EXOC6: variants seen among roughly 807,000 people sequenced by gnomAD.
EXOC6 encodes the protein exocyst complex component 6, also known as SEC15-like 1.
EXOC6 carries 60 observed loss-of-function variants against 112.5 expected under a neutral mutation model. That is an observed-to-expected ratio of 0.53 (90% CI 0.43 to 0.66). The LOEUF is 0.66. Among genes scored for constraint, EXOC6 ranks in the 30% least tolerant of loss-of-function variants. The pLI is 0.00. For missense variants in EXOC6, 855 were observed against 957.1 expected, an observed-to-expected ratio of 0.89 and a Z score of 1.41; for synonymous variants, 295 against 308.0, an observed-to-expected ratio of 0.96 and a Z score of 0.44.
chr10:92,898,429 C>CGAA (rs1849952917), intron 4 of EXOC6, among the ~76,000 whole-genome samples: 1 of 137,304 alleles, frequency 7.3e-6, no homozygotes, highest in African/African-American at 2.7e-5. Flanking sequence ...GACCTTGTCT[C>CGAA]AAAAAAAAAA....
At chr10:92,837,188 A>C (rs1589669780) in intron 1 of EXOC6, among the ~76,000 whole-genome samples, 2 of 152,102 alleles carry the variant, frequency 1.3e-5, no homozygotes, top group African/African-American at 4.8e-5. Flanking sequence ...CTAGATGTGA[A>C]TATTCCATTG....
intron 19 of EXOC6, among the ~76,000 whole-genome samples, chr10:93,004,401 A>G (rs763611685): frequency 5.3e-5 from 8 of 152,284 alleles, no homozygotes; most frequent in Non-Finnish European, 1.2e-4. Context: ...CTAGAGTTCT[A>G]CCTTTGTTGT....
At chr10:92,952,567 G>C (rs537705924) in intron 15 of EXOC6, among the ~76,000 whole-genome samples, 185 bp downstream of exon 15, 3 of 152,102 alleles carry the variant, frequency 2.0e-5, no homozygotes, top group Non-Finnish European at 4.4e-5. Flanking sequence ...CCCAGGTAGC[G>C]AGCATAGTAC....
At chr10:92,876,985 T>C (rs1848710472) in intron 1 of EXOC6, among the ~76,000 whole-genome samples, 1 of 152,182 alleles carries the variant, frequency 6.6e-6, no homozygotes, top group Admixed American at 6.5e-5. Flanking sequence ...GAAGGGATGG[T>C]TCTTTTTAGT....
At position 92,913,271 on chromosome 10, in the gene EXOC6, T is replaced by C. The variant is rs944575883; in HGVS notation, c.664-2487T>C. On this transcript the variant is annotated intron_variant, in intron 6 of 21. Transcript: ENST00000260762. ...GTTACTAAGTCCTACTTAGTTACTATCAATTCTGCTTCTAAATACCTGTAG... is the reference window on the plus strand; with the variant it reads ...GTTACTAAGTCCTACTTAGTTACTACCAATTCTGCTTCTAAATACCTGTAG... Among the ~76,000 whole-genome samples the C allele has an allele frequency of 3.3e-5, 5 of 152,220 alleles. 1 individual carries two copies. The highest frequency in any genetic ancestry group is 3.3e-4 in the Admixed American group (5 of 15,292).
Position 92,864,481 on chromosome 10 carries a change from A to C in EXOC6, c.101+15847A>C, listed in dbSNP as rs1241309977. On this transcript the variant is annotated intron_variant, in intron 1 of 21. Transcript: ENST00000260762. Reference sequence around the variant, plus strand: ...ATAATCCTAAAAGGTTATGATGATGAAATTTTATGTGTCGACTTAACTAGG... The same window carrying C: ...ATAATCCTAAAAGGTTATGATGATGCAATTTTATGTGTCGACTTAACTAGG... 4.6e-5 allele frequency among the ~76,000 whole-genome samples: 7 copies of C among 152,198 alleles called. No homozygotes were observed. The East Asian group carries it at 1.3e-3, about 29-fold the overall frequency.
At chr10:92,966,458 C>A (rs1013163465) in intron 17 of EXOC6, among the ~76,000 whole-genome samples, 1 of 114,602 alleles carries the variant, frequency 8.7e-6, no homozygotes, top group Non-Finnish European at 1.7e-5. Flanking sequence ...CCACATCAGT[C>A]CCCAGAGTGT....
chr10:92,831,500 C>G (rs534811282), upstream of EXOC6: 18 of 348,666 alleles, frequency 5.2e-5, no homozygotes, highest in South Asian at 2.1e-4. Context: ...ATGGCGTGAT[C>G]TCGGCTCACT....
intron 18 of EXOC6, among the ~76,000 whole-genome samples, chr10:92,974,810 C>T (rs927308885): frequency 2.0e-4 from 30 of 152,264 alleles, no homozygotes; most frequent in South Asian, 1.4e-3. Flanking sequence ...GCGAGTGATC[C>T]GCCAGCCTCG....
At chr10:93,005,928 G>A (rs770324627) in intron 19 of EXOC6, among the ~76,000 whole-genome samples, 3 of 152,168 alleles carry the variant, frequency 2.0e-5, no homozygotes, top group Non-Finnish European at 4.4e-5. Context: ...GGGAGGCCAC[G>A]ACTGGAGAAT....
chr10:92,961,153 T>A (rs1331836833), intron 17 of EXOC6, among the ~76,000 whole-genome samples: 2 of 152,218 alleles, frequency 1.3e-5, no homozygotes, highest in African/African-American at 4.8e-5. Flanking sequence ...TTGTTTTATC[T>A]ATGTAAAGCT....
chr10:92,827,266 G>C (rs1846399873), intron 1 of EXOC6, among the ~76,000 whole-genome samples: 1 of 151,522 alleles, frequency 6.6e-6, no homozygotes, highest in African/African-American at 2.4e-5. Context: ...TTGAGCTCAG[G>C]AGTTCAAGAC....
At chr10:92,931,292 T>A (rs961507201) in intron 9 of EXOC6, among the ~76,000 whole-genome samples, 2 of 151,672 alleles carry the variant, frequency 1.3e-5, no homozygotes, top group Non-Finnish European at 2.9e-5. Flanking sequence ...TTTTTTTTTT[T>A]AGTGTAGTAC....
intron 8 of EXOC6, among the ~76,000 whole-genome samples, chr10:92,923,377 A>T (rs145023283): frequency 6.6e-6 from 1 of 152,364 alleles, no homozygotes; most frequent in South Asian, 2.1e-4. Flanking sequence ...GCTGTATAAC[A>T]CACTGCCTTA....
At chr10:92,896,043 A>G (rs1408684971) in intron 4 of EXOC6, among the ~76,000 whole-genome samples, 3 of 96,644 alleles carry the variant, frequency 3.1e-5, no homozygotes, top group Admixed American at 1.2e-4. Context: ...GTGTATATAT[A>G]TGTGTATATA....
Position 93,048,755 on chromosome 10 carries a change from C to CAAA in EXOC6, c.2170-8154_2170-8152dup, listed in dbSNP as rs11368682. 1.8e-3 allele frequency among the ~76,000 whole-genome samples: 195 copies of CAAA among 107,552 alleles called. 3 individuals are homozygous for CAAA. The highest frequency in any genetic ancestry group is 0.01 in the Middle Eastern group (2 of 194). The allele number at this position is 107,552 out of a possible 152,430, so 70.6% of individuals were successfully genotyped here. ...TGGGCAACAGAGTGAGACTCCGTCT[C>CAAA]AAAAAAAAAAAAAAAAAGAATTTAT... On this transcript the variant is annotated intron_variant, in intron 20 of 21. Coordinates refer to ENST00000260762, the MANE Select transcript of EXOC6 (RefSeq NM_019053.6).
intron 18 of EXOC6, among the ~76,000 whole-genome samples, chr10:92,992,116 C>A (rs1243213262): frequency 6.6e-6 from 1 of 151,642 alleles, no homozygotes; most frequent in Non-Finnish European, 1.5e-5. Flanking sequence ...ATGGTGAAAC[C>A]CTGTCTCTAC....
intron 20 of EXOC6, among the ~76,000 whole-genome samples, chr10:93,017,005 G>A (rs1353010549): frequency 6.6e-6 from 1 of 151,774 alleles, no homozygotes; most frequent in Admixed American, 6.6e-5. Flanking sequence ...TAGTAGAGGT[G>A]GGGTTTCGCC....
intron 7 of EXOC6, among the ~76,000 whole-genome samples, chr10:92,919,500 A>T (rs1851309131): frequency 6.6e-6 from 1 of 152,106 alleles, no homozygotes; most frequent in Non-Finnish European, 1.5e-5. Flanking sequence ...TTATAGTTTT[A>T]AGTGGTGGTG....
Sources: gnomAD v4.1 joint callset for allele counts (sites outside exome capture counted in the v4.1 genomes callset) on GRCh38, gnomAD v4.1.1 for gene constraint, MANE v1.5 for transcripts, NCBI Gene and HGNC (gene_info 2026-07-23, HGNC 2026-07-21) for gene names.